The following ARHGAP15 variants were observed in gnomAD, a reference collection of about 807,000 sequenced individuals.
ARHGAP15 encodes Rho GTPase activating protein 15, also known as rho GTPase-activating protein 15.
Under a neutral mutation model 63.7 loss-of-function variants are expected in ARHGAP15, and 51 were observed. The observed-to-expected ratio is 0.80, with a 90% confidence interval of 0.64 to 1.01. The LOEUF is 1.01. Among genes scored for constraint, ARHGAP15 ranks in the 50% least tolerant of loss-of-function variants. The probability of loss-of-function intolerance (pLI) is 0.00; values close to 1 mark genes in which losing one functional copy is unlikely to be tolerated. For missense variants in ARHGAP15, 560 were observed against 564.6 expected, an observed-to-expected ratio of 0.99 and a Z score of 0.08; for synonymous variants, 191 against 193.8, an observed-to-expected ratio of 0.99 and a Z score of 0.12.
intron 8 of ARHGAP15, 115 bp from the exon 9 acceptor site, chr2:143,487,258 G>A: frequency 8.2e-7 from 1 of 1,223,978 alleles, no homozygotes; most frequent in Non-Finnish European, 1.1e-6. Context: ...AGAAGAGCCT[G>A]AGCTATTAAT....
intron 10 of ARHGAP15, among the ~76,000 whole-genome samples, chr2:143,540,413 C>A (rs1444134856): frequency 6.6e-6 from 1 of 152,110 alleles, no homozygotes; most frequent in East Asian, 1.9e-4. Flanking sequence ...GAATTTGATC[C>A]TGTCATTATG....
At chr2:143,704,106 T>C (rs1004308817) in intron 13 of ARHGAP15, 1 of 151,408 alleles carries the variant, frequency 6.6e-6, no homozygotes, top group African/African-American at 2.4e-5. Context: ...TAGGCCCAAA[T>C]GTGGAGGCAA....
intron 8 of ARHGAP15, among the ~76,000 whole-genome samples, chr2:143,485,450 T>C (rs1322543970): frequency 1.3e-5 from 2 of 152,216 alleles, no homozygotes; most frequent in East Asian, 3.8e-4. Flanking sequence ...CATACACACA[T>C]ATGCTATAGA....
chr2:143,640,457 G>C (rs1246797554), intron 12 of ARHGAP15, among the ~76,000 whole-genome samples: 4 of 151,996 alleles, frequency 2.6e-5, no homozygotes, highest in African/African-American at 9.7e-5. Flanking sequence ...AGGACTAGGT[G>C]GACTCTAGTA....
At chr2:143,304,443 A>G (rs185549350) in intron 6 of ARHGAP15, among the ~76,000 whole-genome samples, 289 of 151,740 alleles carry the variant, frequency 1.9e-3, no homozygotes, top group African/African-American at 6.9e-3. Flanking sequence ...ATCACACACC[A>G]GGGCCTGTTG....
intron 1 of ARHGAP15, among the ~76,000 whole-genome samples, chr2:143,136,066 G>A (rs1169644032): frequency 6.6e-6 from 1 of 151,930 alleles, no homozygotes; most frequent in African/African-American, 2.4e-5. Context: ...CCCCAACCCA[G>A]CCTGCTTCTT....
intron 6 of ARHGAP15, among the ~76,000 whole-genome samples, chr2:143,372,924 C>G (rs1686623811): frequency 6.6e-6 from 1 of 150,768 alleles, no homozygotes; most frequent in Admixed American, 6.6e-5. Context: ...CTTTTAAAAG[C>G]CTATGACAGT....
chr2:143,534,005 C>T lies in ARHGAP15; in HGVS notation c.925+14641C>T, dbSNP rs943524686. 2.0e-5 allele frequency among the ~76,000 whole-genome samples: 3 copies of T among 152,138 alleles called. No homozygotes were observed. In the East Asian group the frequency reaches 5.8e-4, roughly 29 times the overall value. On this transcript the variant is annotated intron_variant, in intron 10 of 13. Transcript: ENST00000295095. ...ATACATCACTGGCTCCATCTGACAC[C>T]TCTCATCTCTCCAGTGAGCCTGATG... is the stretch of plus-strand genomic sequence containing the variant.
At position 143,759,522 on chromosome 2, in the gene ARHGAP15, G is replaced by A. The variant is rs377387861; in HGVS notation, c.1245-8467G>A. ...TGCCAACAGTGTCATTCTCCTGCTC[G>A]AACCCAAAGAAATGATTTCCATCAC... is the stretch of plus-strand genomic sequence containing the variant. On this transcript the variant is annotated intron_variant, in intron 13 of 13. Transcript: ENST00000295095. Among the ~76,000 whole-genome samples, 140 of 152,164 alleles carry A rather than the reference G, an allele frequency of 9.2e-4. 2 individuals are homozygous for A. Among genetic ancestry groups the A allele is most frequent in the African/African-American group, 2.9e-3 (119 of 41,518 alleles).
intron 13 of ARHGAP15, among the ~76,000 whole-genome samples, chr2:143,710,072 C>G (rs1302931617): frequency 6.6e-6 from 1 of 152,224 alleles, no homozygotes; most frequent in Non-Finnish European, 1.5e-5. Context: ...AACCACAATA[C>G]CTGATATCCA....
chr2:143,350,701 T>TG lies in ARHGAP15; in HGVS notation c.475-84898dup, dbSNP rs374461905. On this transcript the variant is annotated intron_variant, in intron 6 of 13. Transcript: ENST00000295095. ...AAAGAAAGAAAAAATTAGCCAGGCG[T>TG]GGTGGTGGGCATCTGTAGTCCCAAC... Among the ~76,000 whole-genome samples, 160 of 145,940 alleles carry TG rather than the reference T, an allele frequency of 1.1e-3. 1 individual carries two copies. The highest frequency in any genetic ancestry group is 3.9e-3 in the African/African-American group (157 of 39,934).
intron 11 of ARHGAP15, among the ~76,000 whole-genome samples, chr2:143,623,827 G>T (rs1036460266): frequency 6.6e-6 from 1 of 152,226 alleles, no homozygotes; most frequent in African/African-American, 2.4e-5. Context: ...ATCATGTTGA[G>T]CTGTGATGCT....
intron 12 of ARHGAP15, among the ~76,000 whole-genome samples, chr2:143,681,074 C>T (rs537884535): frequency 2.6e-5 from 4 of 152,286 alleles, no homozygotes; most frequent in South Asian, 4.1e-4. Flanking sequence ...GCACACCTTT[C>T]GAAGGAGCAA....
At chr2:143,665,712 C>T in intron 12 of ARHGAP15, among the ~76,000 whole-genome samples, 1 of 148,894 alleles carries the variant, frequency 6.7e-6, no homozygotes, top group African/African-American at 2.5e-5. Flanking sequence ...TAAGCAACTT[C>T]AGCAAAGTCT....
At chr2:143,672,141 T>G (rs1044174129) in intron 12 of ARHGAP15, among the ~76,000 whole-genome samples, 9 of 152,186 alleles carry the variant, frequency 5.9e-5, no homozygotes, top group Non-Finnish European at 1.2e-4. Context: ...GGTAGATGAA[T>G]TACATTATTT....
chr2:143,447,941 A>G (rs1690221470), intron 8 of ARHGAP15, among the ~76,000 whole-genome samples: 1 of 152,138 alleles, frequency 6.6e-6, no homozygotes, highest in Admixed American at 6.6e-5. Flanking sequence ...CAAAGATTTG[A>G]TCACAGGTAA....
intron 8 of ARHGAP15, among the ~76,000 whole-genome samples, chr2:143,450,024 C>T (rs1690334839): frequency 6.7e-6 from 1 of 149,814 alleles, no homozygotes; most frequent in Admixed American, 6.7e-5. Context: ...TACTTTAAGA[C>T]AGCTTACATA....
chr2:143,349,610 T>C (rs777089857), intron 6 of ARHGAP15, among the ~76,000 whole-genome samples: 2 of 152,232 alleles, frequency 1.3e-5, no homozygotes, highest in African/African-American at 2.4e-5. Context: ...ATAACTAGAC[T>C]TTCATGTAAA....
intron 8 of ARHGAP15, among the ~76,000 whole-genome samples, chr2:143,461,205 G>A (rs957829242): frequency 7.7e-6 from 1 of 130,286 alleles, no homozygotes; most frequent in African/African-American, 2.8e-5. Context: ...CAGGAGAATC[G>A]CTTGAATCCA....
Sources: allele counts gnomAD v4.1 joint callset (sites outside exome capture counted in the v4.1 genomes callset), GRCh38; gene constraint gnomAD v4.1.1; transcripts MANE v1.5; gene names NCBI Gene and HGNC (gene_info 2026-07-23, HGNC 2026-07-21).